Variants in GRM8 observed in about 807,000 individuals in gnomAD.
The protein encoded by GRM8 is glutamate metabotropic receptor 8.
In GRM8, 47 loss-of-function variants were observed where a neutral mutation model predicts 87.2. The observed-to-expected ratio is 0.54, with a 90% CI of 0.43 to 0.69. GRM8 has a LOEUF of 0.69. GRM8 is among the 30% of genes least tolerant of loss of function. GRM8 has a pLI of 0.00. For synonymous variants in GRM8, 396 were observed against 404.5 expected, an observed-to-expected ratio of 0.98 and a Z score of 0.25; for missense variants, 1,019 against 1,139.2, an observed-to-expected ratio of 0.89 and a Z score of 1.52.
intron 8 of GRM8, among the ~76,000 whole-genome samples, chr7:126,550,936 G>A (rs1028016511): frequency 1.3e-5 from 2 of 151,270 alleles, no homozygotes; most frequent in Non-Finnish European, 3.0e-5. Flanking sequence ...AAAAAAAAGA[G>A]AGGAAAAAAC....
chr7:127,074,807 G>C (rs957659008), intron 3 of GRM8, among the ~76,000 whole-genome samples: 3 of 152,250 alleles, frequency 2.0e-5, no homozygotes, highest in African/African-American at 7.2e-5. Flanking sequence ...GGATAAGTTA[G>C]TGCCTTCCTC....
chr7:126,521,657 GA>G (rs1813002058), intron 9 of GRM8, among the ~76,000 whole-genome samples: 1 of 151,876 alleles, frequency 6.6e-6, no homozygotes, highest in African/African-American at 2.4e-5. Context: ...TTGTGGTAAA[GA>G]AAAAAATATT....
chr7:127,050,324 G>C, intron 3 of GRM8, among the ~76,000 whole-genome samples: 1 of 152,022 alleles, frequency 6.6e-6, no homozygotes, highest in Non-Finnish European at 1.5e-5. Context: ...GGACAGGGAG[G>C]GTACCAAGAC....
intron 6 of GRM8, among the ~76,000 whole-genome samples, chr7:126,800,391 CT>C (rs1822528620): frequency 6.6e-6 from 1 of 152,124 alleles, no homozygotes; most frequent in South Asian, 2.1e-4. Context: ...CTTCAGTAGA[CT>C]TTCCCCCCAT....
chr7:126,866,954 G>A (rs138650077), intron 6 of GRM8, among the ~76,000 whole-genome samples: 322 of 152,168 alleles, frequency 2.1e-3, no homozygotes, highest in African/African-American at 7.2e-3. Flanking sequence ...ACCTGTAACA[G>A]TCTTCTCTAA....
intron 9 of GRM8, among the ~76,000 whole-genome samples, chr7:126,509,659 T>C (rs984120710): frequency 3.9e-5 from 6 of 152,058 alleles, no homozygotes; most frequent in African/African-American, 1.4e-4. Context: ...TTTTTTAAAA[T>C]GAGGCTTAAT....
At chr7:126,585,914 T>C (rs1386611808) in intron 8 of GRM8, among the ~76,000 whole-genome samples, 4 of 152,288 alleles carry the variant, frequency 2.6e-5, no homozygotes, top group African/African-American at 4.8e-5. Flanking sequence ...GATGACATGA[T>C]TGTGTATTTA....
intron 3 of GRM8, among the ~76,000 whole-genome samples, chr7:126,985,256 C>G (rs1005157707): frequency 6.6e-6 from 1 of 152,138 alleles, no homozygotes; most frequent in African/African-American, 2.4e-5. Flanking sequence ...TTGAATTAGT[C>G]ACAGAATGTC....
At chr7:126,477,288 TATAATAA>T (rs1286973274) in intron 9 of GRM8, among the ~76,000 whole-genome samples, 2 of 152,072 alleles carry the variant, frequency 1.3e-5, no homozygotes, top group African/African-American at 4.8e-5. Flanking sequence ...GTTTCAGTTA[TATAATAA>T]ATAAGTTCTG....
intron 9 of GRM8, among the ~76,000 whole-genome samples, chr7:126,513,261 T>C (rs536027413): frequency 6.6e-6 from 1 of 152,284 alleles, no homozygotes; most frequent in South Asian, 2.1e-4. Flanking sequence ...TAAGATCATA[T>C]TGTTTAGAAT....
chr7:127,020,325 G>T (rs1403331709), intron 3 of GRM8, among the ~76,000 whole-genome samples: 1 of 152,088 alleles, frequency 6.6e-6, no homozygotes, highest in African/African-American at 2.4e-5. Flanking sequence ...GCACTTGGGG[G>T]TAGTGCTCCC....
intron 3 of GRM8, among the ~76,000 whole-genome samples, chr7:126,927,422 C>T (rs1805259543): frequency 6.6e-6 from 1 of 152,096 alleles, no homozygotes; most frequent in Admixed American, 6.5e-5. Context: ...TAGGTGTGAG[C>T]CACCATGCCC....
chr7:127,072,078 G>C (rs1045415229), intron 3 of GRM8, among the ~76,000 whole-genome samples: 5 of 151,976 alleles, frequency 3.3e-5, no homozygotes, highest in Middle Eastern at 3.4e-3. Flanking sequence ...ACATGGTGAG[G>C]TTTATGCTGT....
intron 3 of GRM8, among the ~76,000 whole-genome samples, chr7:126,943,392 A>C (rs1807183698): frequency 6.6e-6 from 1 of 152,192 alleles, no homozygotes; most frequent in Non-Finnish European, 1.5e-5. Context: ...AGGCAGATCA[A>C]AGTAGCTAAA....
intron 3 of GRM8, among the ~76,000 whole-genome samples, chr7:126,974,820 C>CA (rs1810792659): frequency 6.6e-6 from 1 of 151,960 alleles, no homozygotes; most frequent in Non-Finnish European, 1.5e-5. Context: ...CCTGTAGTCC[C>CA]AGCTTCTCAG....
chr7:126,522,322 C>G (rs1252275551), intron 9 of GRM8, among the ~76,000 whole-genome samples: 1 of 152,126 alleles, frequency 6.6e-6, no homozygotes, highest in Admixed American at 6.5e-5. Context: ...TTTTTCTTAT[C>G]CACATCCCCT....
At chr7:126,610,611 A>C (rs1412840204) in intron 7 of GRM8, among the ~76,000 whole-genome samples, 2 of 152,192 alleles carry the variant, frequency 1.3e-5, no homozygotes, top group Non-Finnish European at 2.9e-5. Context: ...TGAGCTTCTT[A>C]TTCTATCTGT....
chr7:126,832,437 C>T (rs905743078), intron 6 of GRM8, among the ~76,000 whole-genome samples: 6 of 152,082 alleles, frequency 3.9e-5, no homozygotes, highest in Non-Finnish European at 8.8e-5. Flanking sequence ...TGTATCTAAA[C>T]TCACTCTCTA....
intron 9 of GRM8, among the ~76,000 whole-genome samples, chr7:126,510,400 T>C (rs537622243): frequency 4.6e-5 from 7 of 152,148 alleles, no homozygotes; most frequent in African/African-American, 1.2e-4. Context: ...CTATCTAATC[T>C]AGTTCCCTGA....
Sources: gnomAD v4.1 joint callset for allele counts (sites outside exome capture counted in the v4.1 genomes callset) on GRCh38, gnomAD v4.1.1 for gene constraint, MANE v1.5 for transcripts, NCBI Gene and HGNC (gene_info 2026-07-23, HGNC 2026-07-21) for gene names.